SMCO1: variants seen among roughly 807,000 people sequenced by gnomAD.
The protein encoded by SMCO1 is single-pass membrane and coiled-coil domain-containing protein 1.
SMCO1 carries 9 observed loss-of-function variants against 7.5 expected under a neutral mutation model. The ratio of observed to expected loss-of-function variants is 1.20; its 90% CI spans 0.72 to 2.09. SMCO1 has a LOEUF of 2.09. Among genes scored for constraint, SMCO1 ranks in the 30% most tolerant of loss-of-function variants. SMCO1 has a pLI of 0.00. For missense variants in SMCO1, 219 were observed against 253.1 expected (o/e 0.87, Z 0.91); for synonymous variants, 90 against 93.8 (o/e 0.96, Z 0.23).
chr3:196,506,969 G>A lies in SMCO1; in HGVS notation c.*918C>T, dbSNP rs993264309. On this transcript the variant is annotated 3_prime_UTR_variant, in exon 3 of 3. Transcript: ENST00000397537. The stretch of plus-strand genomic sequence containing the variant: ...GGTGGGTTGCTGGCCACGAGCCTGA[G>A]TCTATGGGTTTTTGTGGGCTAGAAA... 1.3e-5 allele frequency: 2 copies of A among 152,200 alleles called. No individual in the cohort carries two copies. The highest frequency in any genetic ancestry group is 2.4e-5 in the African/African-American group (1 of 41,434). The allele number at this position is 152,200 out of a possible 1,614,324, so 9.4% of individuals were successfully genotyped here.
Position 196,508,225 on chromosome 3 carries a change from G to A in SMCO1, c.307C>T (p.Pro103Ser). The change falls in exon 3 of 3, where the codon CCA becomes TCA. Residue 103 changes from proline (P) to serine (S), a missense_variant. Transcript: ENST00000397537. ...EKLPDLVRGL[P>S]TLASVLRRKV... ...CTTCTGAGTACAGAGGCTAAGGTTG[G>A]AAGACCTCTCACCAGGTCTGGCAGC... 6.2e-7 allele frequency: 1 copy of A among 1,614,148 alleles called. No homozygotes were observed. The highest frequency in any genetic ancestry group is 8.5e-7 in the Non-Finnish European group (1 of 1,180,028).
At chr3:196,516,762 G>A (rs190324581), upstream of SMCO1, among the ~76,000 whole-genome samples, 1 of 152,114 alleles carries the variant, frequency 6.6e-6, no homozygotes, top group South Asian at 2.1e-4. Context: ...CTTCTAGCTA[G>A]CTTGGTAAGG....
At chr3:196,520,298 A>G (rs1265158435), upstream of SMCO1, among the ~76,000 whole-genome samples, 2 of 152,186 alleles carry the variant, frequency 1.3e-5, no homozygotes, top group Non-Finnish European at 2.9e-5. Flanking sequence ...GAGACAACCC[A>G]GATCTTTACA....
chr3:196,518,007 T>C (rs1733426064), upstream of SMCO1, among the ~76,000 whole-genome samples: 1 of 152,252 alleles, frequency 6.6e-6, no homozygotes, highest in Admixed American at 6.5e-5. Flanking sequence ...CATATGTAAA[T>C]GCTGGTGGCT....
In SMCO1 at chr3:196,509,529, C is replaced by G. The variant is rs199641376; in HGVS notation, c.191G>C (p.Arg64Pro). The G allele has an allele frequency of 1.2e-6, 2 of 1,613,010 alleles. No individual in the cohort carries two copies. The highest frequency in any genetic ancestry group is 1.3e-5 in the African/African-American group (1 of 74,862). ...AAQDEMWTAV[R>P]ALQLTSMELN... is the part of the protein sequence containing the mutation. ...CTCAATTGATACTCACTGGAGTGCC[C>G]GAACTGCTGTCCACATCTCATCTTG... Residue 64 changes from arginine (R) to proline (P), a missense_variant, in exon 2 of 3, where the codon CGG becomes CCG. By Grantham distance (103) the Arg-to-Pro change is moderately radical. Coordinates refer to ENST00000397537, the MANE Select transcript of SMCO1 (RefSeq NM_001077657.3).
At chr3:196,512,725 C>A (rs963316377) in intron 1 of SMCO1, among the ~76,000 whole-genome samples, 2 of 152,072 alleles carry the variant, frequency 1.3e-5, no homozygotes, top group Non-Finnish European at 2.9e-5. Flanking sequence ...CCAGGCTGGT[C>A]TCGAACTCCT....
At chr3:196,515,002 T>G (rs1733348754) in intron 1 of SMCO1, 158 bp downstream of exon 1, 1 of 824,034 alleles carries the variant, frequency 1.2e-6, no homozygotes, top group Non-Finnish European at 2.0e-6. Context: ...GGCCTCCCAG[T>G]GTGCTGGGAT....
In SMCO1 at chr3:196,509,531, A is replaced by G; in HGVS notation, c.189T>C (p.Val63=). 2.5e-6 allele frequency: 4 copies of G among 1,613,504 alleles called. No individual in the cohort carries two copies. The South Asian group carries it at 4.4e-5, about 18-fold the overall frequency. The change falls in exon 2 of 3, where the codon GTT becomes GTC. Residue 63 remains valine (V), a synonymous_variant. Coordinates refer to ENST00000397537, the MANE Select transcript of SMCO1 (RefSeq NM_001077657.3). ...QAAQDEMWTA[V]RALQLTSMEL... ...CAATTGATACTCACTGGAGTGCCCG[A>G]ACTGCTGTCCACATCTCATCTTGGG...
At chr3:196,512,305 C>A (rs1577535236) in intron 1 of SMCO1, among the ~76,000 whole-genome samples, 1 of 152,140 alleles carries the variant, frequency 6.6e-6, no homozygotes, top group Non-Finnish European at 1.5e-5. Flanking sequence ...GCCTGGGCCA[C>A]CTAGATTGTC....
Position 196,512,320 on chromosome 3 carries a change from T to C in SMCO1, c.51-2651A>G, listed in dbSNP as rs139231242. On this transcript the variant is annotated intron_variant, in intron 1 of 2. Transcript: ENST00000397537. Reference sequence around the variant, plus strand: ...GCCTGGGCCACCTAGATTGTCGTTATGAGGGAAGTGATGCGTCAACACACA... The same window carrying C: ...GCCTGGGCCACCTAGATTGTCGTTACGAGGGAAGTGATGCGTCAACACACA... Among the ~76,000 whole-genome samples the C allele has an allele frequency of 8.6e-3, 1,317 of 152,302 alleles. 23 individuals are homozygous for C. Among genetic ancestry groups the C allele is most frequent in the African/African-American group, 0.029 (1,204 of 41,556 alleles).
Position 196,509,558 on chromosome 3 carries a change from T to C in SMCO1, c.162A>G (p.Ala54=), listed in dbSNP as rs778533887. The part of the protein sequence containing the change: ...EHHSKALASQ[A]AQDEMWTAVR... ...CTGCTGTCCACATCTCATCTTGGGC[T>C]GCTTGGCTTGCCAAAGCCTTACTAT... The change falls in exon 2 of 3, where the codon GCA becomes GCG. Residue 54 remains alanine (A), a synonymous_variant. Coordinates refer to ENST00000397537, the MANE Select transcript of SMCO1 (RefSeq NM_001077657.3). 1.2e-6 allele frequency: 2 copies of C among 1,613,980 alleles called. No individual in the cohort carries two copies. Among genetic ancestry groups the C allele is most frequent in the African/African-American group, 2.7e-5 (2 of 74,928 alleles).
At chr3:196,515,878 A>G (rs1343445550), upstream of SMCO1, among the ~76,000 whole-genome samples, 1 of 150,174 alleles carries the variant, frequency 6.7e-6, no homozygotes, top group Non-Finnish European at 1.5e-5. Flanking sequence ...GCATGCCTGT[A>G]GTCCCAGCTA....
At chr3:196,518,496 G>A (rs1733433081), upstream of SMCO1, among the ~76,000 whole-genome samples, 1 of 152,152 alleles carries the variant, frequency 6.6e-6, no homozygotes, top group African/African-American at 2.4e-5. Flanking sequence ...TGTATTTTTA[G>A]TAGAGACGGG....
chr3:196,508,346 G>A lies in SMCO1; in HGVS notation c.201-15C>T. 1.3e-6 allele frequency: 2 copies of A among 1,576,218 alleles called. No individual in the cohort carries two copies. The highest frequency in any genetic ancestry group is 1.7e-6 in the Non-Finnish European group (2 of 1,162,754). On this transcript the variant is annotated splice_polypyrimidine_tract_variant and intron_variant, in intron 2 of 2. Coordinates refer to ENST00000397537, the MANE Select transcript of SMCO1 (RefSeq NM_001077657.3). Reference sequence around the variant, plus strand: ...TTGAAGTGAGCCTACAAAAAATATGGAGAGCTTCTTAAGCGGTCAAAAATA... The same window carrying A: ...TTGAAGTGAGCCTACAAAAAATATGAAGAGCTTCTTAAGCGGTCAAAAATA...
In SMCO1 at chr3:196,507,737, G is replaced by A; in HGVS notation, c.*150C>T. 1.7e-6 allele frequency: 1 copy of A among 595,904 alleles called. No homozygotes were observed. The highest frequency in any genetic ancestry group is 3.0e-6 in the Non-Finnish European group (1 of 336,862). The allele number at this position is 595,904 out of a possible 1,614,324, so 36.9% of individuals were successfully genotyped here. A position where few individuals can be genotyped will look rare whatever the true frequency, so the allele number is the denominator to read the frequency against. On this transcript the variant is annotated 3_prime_UTR_variant, in exon 3 of 3. Transcript: ENST00000397537. ...CTTCATTCTTTTATATGGCTGCAAA[G>A]AAAGTATCTATTGTATCAATTTGTC...
At chr3:196,519,162 A>G (rs1238307197), upstream of SMCO1, among the ~76,000 whole-genome samples, 1 of 152,184 alleles carries the variant, frequency 6.6e-6, no homozygotes, top group East Asian at 1.9e-4. Flanking sequence ...ATGTGAGGGA[A>G]TTTTTGCAGC....
Position 196,515,222 on chromosome 3 carries a change from A to C in SMCO1, c.-13T>G, listed in dbSNP as rs1191167417. The C allele has an allele frequency of 6.3e-7, 1 of 1,590,416 alleles. No homozygotes were observed. The highest frequency in any genetic ancestry group is 1.7e-5 in the Admixed American group (1 of 58,560). Reference sequence around the variant, plus strand: ...TTTCATTGTTCATCTTCTGAAGGCAAAAGGAAAGAAAACAAAAACAAAGCA... The same window carrying C: ...TTTCATTGTTCATCTTCTGAAGGCACAAGGAAAGAAAACAAAAACAAAGCA... On this transcript the variant is annotated 5_prime_UTR_variant, in exon 1 of 3. Transcript: ENST00000397537.
intron 1 of SMCO1, among the ~76,000 whole-genome samples, chr3:196,514,820 C>T: frequency 6.6e-6 from 1 of 152,220 alleles, no homozygotes; most frequent in East Asian, 1.9e-4. Flanking sequence ...CGGCTCACTG[C>T]AACCTCCACC....
At chr3:196,515,987 GGATATAT>G (rs1560286033), upstream of SMCO1, among the ~76,000 whole-genome samples, 9 of 8,518 alleles carry the variant, frequency 1.1e-3, no homozygotes, top group African/African-American at 4.3e-3. Flanking sequence ...CAAGAGGATA[GGATATAT>G]ATATATATAT....
Sources: allele counts gnomAD v4.1 joint callset (sites outside exome capture counted in the v4.1 genomes callset), GRCh38; gene constraint gnomAD v4.1.1; transcripts MANE v1.5; gene names NCBI Gene and HGNC (gene_info 2026-07-23, HGNC 2026-07-21).